Variants in INSL6 observed in about 807,000 individuals in gnomAD.
INSL6 encodes the protein insulin-like peptide INSL6.
INSL6 carries 16 observed loss-of-function variants against 9.4 expected under a neutral mutation model. That is an observed-to-expected ratio of 1.70 (90% CI 1.15 to 2.59). The LOEUF (loss-of-function observed/expected upper bound fraction) is 2.59, where lower values mean the gene tolerates loss of function less well. INSL6 is among the 30% of genes most tolerant of loss of function. INSL6 has a pLI of 0.00. For synonymous variants in INSL6, 154 were observed against 96.9 expected (o/e 1.59, Z -3.46); for missense variants, 391 against 257.3 (o/e 1.52, Z -3.56).
At chr9:5,146,161 T>C (rs1226670954) in intron 2 of INSL6, among the ~76,000 whole-genome samples, 3 of 152,126 alleles carry the variant, frequency 2.0e-5, no homozygotes, top group Admixed American at 6.5e-5. Flanking sequence ...GAGTGTTTGA[T>C]TGTGGTATAA....
downstream of INSL6, among the ~76,000 whole-genome samples, chr9:5,161,985 G>A (rs549624899): frequency 6.6e-6 from 1 of 152,072 alleles, no homozygotes. Context: ...AGGCTGAGGT[G>A]GGAGGATCAC....
chr9:5,000,391 C>T, the INSL6 span, among the ~76,000 whole-genome samples: 1 of 152,036 alleles, frequency 6.6e-6, no homozygotes. Context: ...TGAAGAACAG[C>T]TAACAGCAGT....
rs1824993008 is a variant in INSL6 at position 5,164,177 on chromosome 9, A to C, written c.378T>G (p.Gly126=). 6.2e-6 allele frequency: 10 copies of C among 1,607,780 alleles called. No homozygotes were observed. The highest frequency in any genetic ancestry group is 1.3e-5 in the African/African-American group (1 of 74,480). Reference sequence around the variant, plus strand: ...GTGATGAAGAAAATTCTCTTGTCTTACCAAGGGGTGAATATCCCTTTTTAT... The same window carrying C: ...GTGATGAAGAAAATTCTCTTGTCTTCCCAAGGGGTGAATATCCCTTTTTAT... ...YKDKKGYSPL[G]KTREFSSSHN... is the part of the protein sequence containing the mutation. Residue 126 remains glycine (G), a synonymous_variant, in exon 2 of 2, where the codon GGT becomes GGG. Coordinates refer to ENST00000381641, the MANE Select transcript of INSL6 (RefSeq NM_007179.3).
intron 2 of INSL6, among the ~76,000 whole-genome samples, chr9:5,140,715 A>AT (rs1554689072): frequency 6.0e-5 from 9 of 151,244 alleles, no homozygotes; most frequent in Non-Finnish European, 1.0e-4. Flanking sequence ...GTGGGGATTC[A>AT]TTTTTTTTTC....
the INSL6 span, among the ~76,000 whole-genome samples, chr9:5,036,458 G>A: frequency 9.9e-5 from 15 of 151,928 alleles, no homozygotes; most frequent in South Asian, 2.1e-4. Context: ...GAGGCATCAC[G>A]CTACCTGACT....
the INSL6 span, chr9:5,040,950 G>T: frequency 4.3e-6 from 2 of 469,978 alleles, no homozygotes; most frequent in Non-Finnish European, 7.9e-6. Flanking sequence ...GCCAAGGAAA[G>T]AATCTCTATA....
At chr9:5,148,896 C>A (rs886700642) in intron 2 of INSL6, among the ~76,000 whole-genome samples, 2 of 152,162 alleles carry the variant, frequency 1.3e-5, no homozygotes, top group African/African-American at 4.8e-5. Flanking sequence ...TACAGGGCAG[C>A]CTGGCAGGGA....
chr9:5,115,249 A>G, the INSL6 span, among the ~76,000 whole-genome samples: 1 of 152,232 alleles, frequency 6.6e-6, no homozygotes, highest in Admixed American at 6.5e-5. Flanking sequence ...AAGTGGGTAA[A>G]GGATATGAAC....
the INSL6 span, chr9:5,109,691 G>A: frequency 6.6e-6 from 1 of 152,104 alleles, no homozygotes; most frequent in Admixed American, 6.6e-5. Flanking sequence ...GACATTGAAT[G>A]ACAATCCCAA....
At chr9:4,999,594 T>C in the INSL6 span, among the ~76,000 whole-genome samples, 1 of 152,314 alleles carries the variant, frequency 6.6e-6, no homozygotes, top group East Asian at 1.9e-4. Context: ...CACAATAGGC[T>C]GTCTGCAAGC....
At chr9:5,045,434 A>G in the INSL6 span, among the ~76,000 whole-genome samples, 1 of 152,168 alleles carries the variant, frequency 6.6e-6, no homozygotes, top group Non-Finnish European at 1.5e-5. Flanking sequence ...AAAAATGACC[A>G]TTTTAACCAT....
At chr9:5,081,578 C>T in the INSL6 span, 3 of 590,902 alleles carry the variant, frequency 5.1e-6, no homozygotes, top group Admixed American at 5.9e-5. Context: ...TAAAGGCTCC[C>T]ATTAATATAA....
the INSL6 span, among the ~76,000 whole-genome samples, chr9:5,059,826 T>C: frequency 6.6e-6 from 1 of 152,212 alleles, no homozygotes; most frequent in Admixed American, 6.5e-5. Flanking sequence ...TTCACTTACT[T>C]ATTGTTCATC....
At chr9:5,111,901 G>C in the INSL6 span, 1 of 354,598 alleles carries the variant, frequency 2.8e-6, no homozygotes, top group South Asian at 2.1e-5. Context: ...GGACGCCCTC[G>C]GGAAGGCCTG....
At chr9:5,170,556 C>T (rs1586874780) in intron 1 of INSL6, among the ~76,000 whole-genome samples, 1 of 138,334 alleles carries the variant, frequency 7.2e-6, no homozygotes, top group Admixed American at 7.2e-5. Flanking sequence ...AATCCAGGGG[C>T]TTTTTTTTTT....
chr9:5,114,809 T>A, the INSL6 span: 1 of 278,452 alleles, frequency 3.6e-6, no homozygotes, highest in South Asian at 3.6e-5. Context: ...CCATTAAATG[T>A]CCTCCTGCCT....
At chr9:5,141,608 C>G (rs768668504) in intron 2 of INSL6, among the ~76,000 whole-genome samples, 90 of 152,190 alleles carry the variant, frequency 5.9e-4, no homozygotes, top group Non-Finnish European at 1.2e-3. Flanking sequence ...CTTATAGATG[C>G]TGGATATTAG....
chr9:5,083,361 G>A, the INSL6 span, among the ~76,000 whole-genome samples: 4 of 152,144 alleles, frequency 2.6e-5, no homozygotes, highest in Non-Finnish European at 5.9e-5. Flanking sequence ...ATAGTGGTAA[G>A]CTCTTTCTCG....
At chr9:5,043,645 ACT>A in the INSL6 span, among the ~76,000 whole-genome samples, 2 of 152,206 alleles carry the variant, frequency 1.3e-5, no homozygotes, top group African/African-American at 2.4e-5. Context: ...CTTGTACATG[ACT>A]CTTCATACTA....
Sources: allele counts gnomAD v4.1 joint callset (sites outside exome capture counted in the v4.1 genomes callset), GRCh38; gene constraint gnomAD v4.1.1; transcripts MANE v1.5; gene names NCBI Gene and HGNC (gene_info 2026-07-23, HGNC 2026-07-21).